Variants in BCL11A observed in about 807,000 individuals in gnomAD.
BCL11A encodes the protein BCL11 transcription factor A.
A neutral mutation model predicts 55.9 loss-of-function variants in BCL11A; 2 were observed. The ratio of observed to expected loss-of-function variants is 0.04; its 90% confidence interval spans 0.01 to 0.11. The LOEUF is 0.11. Among genes scored for constraint, BCL11A ranks in the 10% least tolerant of loss-of-function variants. The pLI is 1.00. For missense variants in BCL11A, 817 were observed against 1,137.1 expected (o/e 0.72, Z 4.05); for synonymous variants, 465 against 473.4 (o/e 0.98, Z 0.23).
chr2:60,496,635 C>G (rs1678966363), intron 2 of BCL11A: 1 of 152,626 alleles, frequency 6.6e-6, no homozygotes, highest in Non-Finnish European at 1.5e-5. Flanking sequence ...GTACAACCCT[C>G]TCTCCTCACC....
intron 2 of BCL11A, among the ~76,000 whole-genome samples, chr2:60,497,150 A>G (rs1438926913): frequency 6.6e-6 from 1 of 152,244 alleles, no homozygotes; most frequent in African/African-American, 2.4e-5. Flanking sequence ...AGCTAGAGCT[A>G]GAGCTATTTC....
chr2:60,461,073 G>A lies in BCL11A; in HGVS notation c.1839C>T (p.Ala613=). The part of the protein sequence containing the change: ...NGRGCSPGES[A]SGGLSKKLLL... ...GCAGCTTTTTGGACAGGCCCCCCGAGGCCGACTCGCCCGGGGAGCAGCCGC... is the reference window on the plus strand; with the variant it reads ...GCAGCTTTTTGGACAGGCCCCCCGAAGCCGACTCGCCCGGGGAGCAGCCGC... Residue 613 remains alanine (A), a synonymous_variant, in exon 4 of 4, where the codon GCC becomes GCT. Transcript: ENST00000642384. 1.2e-6 allele frequency: 2 copies of A among 1,603,614 alleles called. No individual in the cohort carries two copies. Among genetic ancestry groups the A allele is most frequent in the South Asian group, 2.2e-5 (2 of 90,276 alleles).
chr2:60,467,867 CTGGTGGTGATGGTGG>C (rs1676902819), intron 3 of BCL11A, among the ~76,000 whole-genome samples: 1 of 32,408 alleles, frequency 3.1e-5, no homozygotes. Flanking sequence ...GGTGATGGTA[CTGGTGGTGATGGTGG>C]TGGTGGTAGT....
chr2:60,516,382 T>C (rs1163162528), intron 2 of BCL11A, among the ~76,000 whole-genome samples: 1 of 152,210 alleles, frequency 6.6e-6, no homozygotes, highest in Non-Finnish European at 1.5e-5. Flanking sequence ...GTTCTCCAGA[T>C]GTCAGTGCAA....
chr2:60,484,886 T>C (rs1423125851), intron 2 of BCL11A, among the ~76,000 whole-genome samples: 3 of 150,860 alleles, frequency 2.0e-5, no homozygotes, highest in Non-Finnish European at 4.4e-5. Context: ...TTCATGACCA[T>C]GTGTGTAAAC....
chr2:60,507,945 CAT>C (rs1321183650), intron 2 of BCL11A, among the ~76,000 whole-genome samples: 1 of 152,108 alleles, frequency 6.6e-6, no homozygotes. Context: ...TCACAAAAGA[CAT>C]ATTACACACG....
Position 60,462,225 on chromosome 2 carries a change from C to A in BCL11A, c.687G>T (p.Gly229=). The change falls in exon 4 of 4, where the codon GGG becomes GGT. Residue 229 remains glycine, a synonymous_variant. Transcript: ENST00000642384. Reference sequence around the variant, plus strand: ...AGGGGTTATTGTCTGCAATATGAATCCCATGGAGAGGTGGCTGGGAAGGAC... The same window carrying A: ...AGGGGTTATTGTCTGCAATATGAATACCATGGAGAGGTGGCTGGGAAGGAC... The part of the protein sequence containing the change: ...AECPSQPPLH[G]IHIADNNPFN... 1 of 1,613,026 alleles carries A rather than the reference C, an allele frequency of 6.2e-7. No homozygotes were observed.
intron 2 of BCL11A, among the ~76,000 whole-genome samples, chr2:60,485,756 C>T (rs1678240741): frequency 6.6e-6 from 1 of 152,150 alleles, no homozygotes; most frequent in Non-Finnish European, 1.5e-5. Context: ...AGCAATGCCC[C>T]TTGTGAACTA....
At chr2:60,466,561 T>C (rs1210457792) in intron 3 of BCL11A, among the ~76,000 whole-genome samples, 2 of 152,100 alleles carry the variant, frequency 1.3e-5, no homozygotes, top group East Asian at 3.9e-4. Flanking sequence ...CTTATGAAAT[T>C]CACACAATAA....
At chr2:60,521,067 GCA>G (rs58564312) in intron 2 of BCL11A, among the ~76,000 whole-genome samples, 7,467 of 117,620 alleles carry the variant, frequency 0.063, 197 homozygotes, top group African/African-American at 0.077. Context: ...CTAGTGGTCA[GCA>G]CACACACACA....
At chr2:60,523,334 C>T (rs1669073688) in intron 2 of BCL11A, among the ~76,000 whole-genome samples, 1 of 152,190 alleles carries the variant, frequency 6.6e-6, no homozygotes. Context: ...GATCCTCAAT[C>T]CAGCGCTATG....
At chr2:60,537,241 A>G (rs1254287819) in intron 2 of BCL11A, 1 of 152,194 alleles carries the variant, frequency 6.6e-6, no homozygotes, top group Non-Finnish European at 1.5e-5. Context: ...TCAGCCTTTA[A>G]ATCATTCTTC....
In BCL11A at chr2:60,461,778, T is replaced by A; in HGVS notation, c.1134A>T (p.Ser378=). 1.2e-6 allele frequency: 2 copies of A among 1,608,760 alleles called. No individual in the cohort carries two copies. The highest frequency in any genetic ancestry group is 1.7e-6 in the Non-Finnish European group (2 of 1,178,732). Residue 378 remains serine, a synonymous_variant, in exon 4 of 4, where the codon TCA becomes TCT. Transcript: ENST00000642384. ...TGAACGTCTTGCCGCAGAACTCGCATGACTTGGACTTGACCGGGGGCTGGG... is the reference window on the plus strand; with the variant it reads ...TGAACGTCTTGCCGCAGAACTCGCAAGACTTGGACTTGACCGGGGGCTGGG... ...PPSQPPVKSK[S]CEFCGKTFKF... is the part of the protein sequence containing the mutation.
intron 2 of BCL11A, chr2:60,526,556 T>C (rs985503602): frequency 2.0e-5 from 3 of 152,226 alleles, no homozygotes; most frequent in African/African-American, 7.2e-5. Context: ...ATAATTTGCA[T>C]CAGGGACAAA....
Position 60,546,338 on chromosome 2 carries a change from C to A in BCL11A, c.56-38G>T. 1 of 1,567,036 alleles carries A rather than the reference C, an allele frequency of 6.4e-7. No individual in the cohort carries two copies. Among genetic ancestry groups the A allele is most frequent in the Admixed American group, 1.7e-5 (1 of 57,848 alleles). On this transcript the variant is annotated intron_variant, in intron 1 of 3. Transcript: ENST00000642384. The surrounding 1 kb of genome is among the most constrained non-coding windows in gnomAD (Gnocchi z 4.1). The stretch of plus-strand genomic sequence containing the variant: ...AAACAAAAGCACAATTATTAGAGTG[C>A]CAGAGAGGACAGAAAGGGGAGAAGC...
At chr2:60,476,256 T>C (rs1170387578) in intron 2 of BCL11A, among the ~76,000 whole-genome samples, 1 of 152,180 alleles carries the variant, frequency 6.6e-6, no homozygotes, top group African/African-American at 2.4e-5. Context: ...GGACACAGTC[T>C]TGCAAAGTTT....
intron 2 of BCL11A, chr2:60,541,746 G>A: frequency 3.8e-6 from 2 of 521,252 alleles, no homozygotes; most frequent in Non-Finnish European, 6.8e-6. Context: ...TGTGGTAGTG[G>A]TGTTTTTTTG....
intron 2 of BCL11A, among the ~76,000 whole-genome samples, chr2:60,491,329 T>C (rs1003725193): frequency 3.3e-5 from 5 of 152,246 alleles, no homozygotes; most frequent in Admixed American, 2.0e-4. Flanking sequence ...TGGACACTTT[T>C]GGCCCCCTTC....
chr2:60,496,873 A>G (rs138590964), intron 2 of BCL11A, among the ~76,000 whole-genome samples: 5 of 152,330 alleles, frequency 3.3e-5, no homozygotes, highest in Non-Finnish European at 5.9e-5. Flanking sequence ...ATAGGCCTGA[A>G]AAGCAGCATG....
Sources: allele counts gnomAD v4.1 joint callset (sites outside exome capture counted in the v4.1 genomes callset), GRCh38; gene constraint gnomAD v4.1.1; non-coding constraint Gnocchi (gnomAD v3.1); transcripts MANE v1.5; gene names NCBI Gene and HGNC (gene_info 2026-07-23, HGNC 2026-07-21).